The following TEKT5 variants were observed in gnomAD, a reference collection of about 807,000 sequenced individuals.
TEKT5 encodes tektin-5.
A neutral mutation model predicts 48.7 loss-of-function variants in TEKT5; 52 were observed. The observed-to-expected ratio is 1.07, with a 90% confidence interval of 0.86 to 1.35. TEKT5 has a LOEUF of 1.35. Among genes scored for constraint, TEKT5 ranks in the 40% most tolerant of loss-of-function variants. The pLI, the probability that TEKT5 is intolerant of heterozygous loss-of-function variation, is 0.00. For synonymous variants in TEKT5, 318 were observed against 267.6 expected, an observed-to-expected ratio of 1.19 and a Z score of -1.84; for missense variants, 831 against 641.6, an observed-to-expected ratio of 1.30 and a Z score of -3.19.
chr16:10,654,606 G>A (rs1898225793), intron 5 of TEKT5, among the ~76,000 whole-genome samples: 1 of 152,086 alleles, frequency 6.6e-6, no homozygotes, highest in Non-Finnish European at 1.5e-5. Flanking sequence ...GCTTTAGCTG[G>A]GACATCCATC....
At chr16:10,679,703 T>G (rs923722388) in intron 4 of TEKT5, among the ~76,000 whole-genome samples, 1 of 151,938 alleles carries the variant, frequency 6.6e-6, no homozygotes, top group African/African-American at 2.4e-5. Context: ...GAGACCAGCC[T>G]GACCAACATG....
chr16:10,690,758 G>A (rs1344144892), intron 1 of TEKT5: 11 of 985,258 alleles, frequency 1.1e-5, no homozygotes, highest in African/African-American at 1.7e-5. Context: ...TTTCAGGGGC[G>A]CTCTATGATG....
At chr16:10,640,102 C>CTTTCTT (rs1178176670) in intron 5 of TEKT5, among the ~76,000 whole-genome samples, 1,316 of 71,118 alleles carry the variant, frequency 0.019, 47 homozygotes, top group African/African-American at 0.11. Flanking sequence ...TTCCCTCTCC[C>CTTTCTT]CTCCTCCCGT....
At chr16:10,658,276 G>A (rs1898297730) in intron 5 of TEKT5, among the ~76,000 whole-genome samples, 1 of 152,170 alleles carries the variant, frequency 6.6e-6, no homozygotes, top group South Asian at 2.1e-4. Context: ...GAACGCCCAT[G>A]AGAAAGAGTC....
At chr16:10,689,475 G>A (rs552060187) in intron 2 of TEKT5, 152 bp from the exon 3 acceptor site, 20 of 615,184 alleles carry the variant, frequency 3.3e-5, no homozygotes, top group East Asian at 1.4e-4. Context: ...CTCAATCCAC[G>A]TGACCCCAGG....
intron 3 of TEKT5, among the ~76,000 whole-genome samples, chr16:10,685,270 A>G (rs752748626): frequency 2.0e-5 from 3 of 151,642 alleles, no homozygotes; most frequent in Non-Finnish European, 4.4e-5. Context: ...CTCGGTCTCT[A>G]TCCAAGCTCA....
intron 6 of TEKT5, among the ~76,000 whole-genome samples, chr16:10,632,779 C>A (rs779851221): frequency 1.3e-5 from 2 of 151,898 alleles, no homozygotes; most frequent in Non-Finnish European, 2.9e-5. Flanking sequence ...AATTTAGCCA[C>A]TGGAGAAGGG....
chr16:10,631,069 C>CATATATAT (rs150668217), intron 6 of TEKT5, among the ~76,000 whole-genome samples: 8 of 145,268 alleles, frequency 5.5e-5, no homozygotes, highest in African/African-American at 2.0e-4. Flanking sequence ...TATCTATGTC[C>CATATATAT]ATATATATAT....
At chr16:10,673,110 C>T (rs942145764) in intron 5 of TEKT5, among the ~76,000 whole-genome samples, 6 of 152,066 alleles carry the variant, frequency 3.9e-5, no homozygotes, top group Non-Finnish European at 8.8e-5. Flanking sequence ...GTGCTTCTAG[C>T]CAAAAGATAT....
At chr16:10,681,110 C>T (rs934217063) in intron 4 of TEKT5, among the ~76,000 whole-genome samples, 5 of 150,762 alleles carry the variant, frequency 3.3e-5, no homozygotes, top group African/African-American at 1.2e-4. Flanking sequence ...CAGAAGGCAC[C>T]ACCTCATAGC....
chr16:10,684,926 G>A (rs2142311352), intron 3 of TEKT5, among the ~76,000 whole-genome samples: 1 of 152,340 alleles, frequency 6.6e-6, no homozygotes, highest in South Asian at 2.1e-4. Context: ...AAAACCATGA[G>A]CCAAGAGCCT....
chr16:10,654,930 C>G (rs1446170378), intron 5 of TEKT5, among the ~76,000 whole-genome samples: 1 of 57,784 alleles, frequency 1.7e-5, no homozygotes, highest in Non-Finnish European at 4.2e-5. Context: ...TGTCTCCCCC[C>G]CCTCCCCTCC....
chr16:10,686,401 G>A (rs138127385), intron 3 of TEKT5, among the ~76,000 whole-genome samples: 5,268 of 151,280 alleles, frequency 0.035, 130 homozygotes, highest in Non-Finnish European at 0.054. Context: ...AGGTTGCAGT[G>A]AGCTGAGATT....
At chr16:10,635,297 C>T (rs1455549022) in intron 6 of TEKT5, among the ~76,000 whole-genome samples, 2 of 151,666 alleles carry the variant, frequency 1.3e-5, no homozygotes, top group Non-Finnish European at 2.9e-5. Context: ...GTGGGATCCA[C>T]CAGCCAGGAG....
chr16:10,659,671 T>G (rs549511251), intron 5 of TEKT5, among the ~76,000 whole-genome samples: 113 of 152,250 alleles, frequency 7.4e-4, no homozygotes, highest in African/African-American at 2.7e-3. Context: ...ATACCTCACT[T>G]TAAAAAAAGT....
In TEKT5 at chr16:10,676,147, T is replaced by G; in HGVS notation, c.898A>C (p.Asn300His). Residue 300 changes from asparagine to histidine, a missense_variant, in exon 5 of 7, where the codon AAC becomes CAC. By Grantham distance (68) the Asn-to-His change is moderately conservative (BLOSUM62 1). Coordinates refer to ENST00000283025, the MANE Select transcript of TEKT5 (RefSeq NM_144674.2). Reference sequence around the variant, plus strand: ...TTCTGAGAGTGTTTGATGTTGTCGTTACTGAACTTGGCCCAGGTCTCAGGT... The same window carrying G: ...TTCTGAGAGTGTTTGATGTTGTCGTGACTGAACTTGGCCCAGGTCTCAGGT... ...SVPETWAKFS[N>H]DNIKHSQNMR... 1 of 1,614,202 alleles carries G rather than the reference T, an allele frequency of 6.2e-7. No individual in the cohort carries two copies. The highest frequency in any genetic ancestry group is 8.5e-7 in the Non-Finnish European group (1 of 1,180,030).
intron 5 of TEKT5, among the ~76,000 whole-genome samples, chr16:10,648,910 G>C (rs2719756): frequency 0.1 from 15,851 of 152,200 alleles, 939 homozygotes; most frequent in African/African-American, 0.17. Flanking sequence ...TGATGGTTTT[G>C]CATTTATTGA....
intron 5 of TEKT5, among the ~76,000 whole-genome samples, chr16:10,663,818 G>A (rs906867070): frequency 1.3e-5 from 2 of 152,180 alleles, no homozygotes; most frequent in Non-Finnish European, 2.9e-5. Context: ...AATGCCAGTG[G>A]GGTGCAAATT....
At chr16:10,652,682 G>GGCAGAC (rs1898182648) in intron 5 of TEKT5, among the ~76,000 whole-genome samples, 1 of 7,626 alleles carries the variant, frequency 1.3e-4, no homozygotes, top group Non-Finnish European at 2.1e-4. Context: ...TACACAGGCA[G>GGCAGAC]ACACACACAC....
Sources: allele counts gnomAD v4.1 joint callset (sites outside exome capture counted in the v4.1 genomes callset), GRCh38; gene constraint gnomAD v4.1.1; transcripts MANE v1.5; gene names NCBI Gene and HGNC (gene_info 2026-07-23, HGNC 2026-07-21).